ARHGAP17: variants seen among roughly 807,000 people sequenced by gnomAD.
The protein encoded by ARHGAP17 is Rho GTPase activating protein 17, also known as rho GTPase-activating protein 17.
In ARHGAP17, 57 loss-of-function variants were observed where a neutral mutation model predicts 99.5. That is an observed-to-expected ratio of 0.57 (90% CI 0.46 to 0.71). The LOEUF is 0.71. ARHGAP17 is among the 30% of genes least tolerant of loss of function. ARHGAP17 has a pLI of 0.00. For missense variants in ARHGAP17, 1,000 were observed against 1,122.4 expected (o/e 0.89, Z 1.56); for synonymous variants, 417 against 429.6 (o/e 0.97, Z 0.36).
Position 24,983,677 on chromosome 16 carries a change from CTTT to C in ARHGAP17, c.54-4675_54-4673del, listed in dbSNP as rs1335638521. ...GTTTTTTCTGCTTTGTCAGAGCCTT[CTTT>C]GTGTCCAACGTTCTGGGCTTGAAAA... is the stretch of plus-strand genomic sequence containing the variant. On this transcript the variant is annotated intron_variant, in intron 1 of 19. Coordinates refer to ENST00000289968, the MANE Select transcript of ARHGAP17 (RefSeq NM_001006634.3). Among the ~76,000 whole-genome samples the C allele has an allele frequency of 5.3e-5, 8 of 152,252 alleles. No individual in the cohort carries two copies. In the South Asian group the frequency reaches 1.7e-3, roughly 32 times the overall value.
chr16:24,946,715 A>G (rs1028577769), intron 14 of ARHGAP17, among the ~76,000 whole-genome samples: 1 of 152,154 alleles, frequency 6.6e-6, no homozygotes, highest in Admixed American at 6.6e-5. Flanking sequence ...AGGGACGGGG[A>G]GGCAAGGCTG....
intron 14 of ARHGAP17, among the ~76,000 whole-genome samples, chr16:24,944,995 G>A (rs1018783185): frequency 2.6e-5 from 4 of 151,862 alleles, no homozygotes; most frequent in African/African-American, 7.3e-5. Flanking sequence ...GTCTCAAGAT[G>A]AGTGTTCAGA....
intron 19 of ARHGAP17, among the ~76,000 whole-genome samples, chr16:24,924,177 C>T (rs564211041): frequency 4.6e-5 from 7 of 152,162 alleles, no homozygotes; most frequent in Non-Finnish European, 8.8e-5. Flanking sequence ...CACCAGTGAA[C>T]GGTTTGAGTC....
At chr16:25,009,061 A>C (rs897824498) in intron 1 of ARHGAP17, among the ~76,000 whole-genome samples, 4 of 152,176 alleles carry the variant, frequency 2.6e-5, no homozygotes, top group African/African-American at 9.7e-5. Context: ...TACTGTTCAG[A>C]GTTCCCCTAG....
chr16:24,984,904 T>A (rs1796096345), intron 1 of ARHGAP17, among the ~76,000 whole-genome samples: 1 of 151,602 alleles, frequency 6.6e-6, no homozygotes, highest in African/African-American at 2.4e-5. Context: ...AAAAAAAAAA[T>A]GTCTGTAGGG....
chr16:24,944,151 G>C (rs1175886557), intron 14 of ARHGAP17, among the ~76,000 whole-genome samples: 1 of 151,520 alleles, frequency 6.6e-6, no homozygotes, highest in African/African-American at 2.4e-5. Flanking sequence ...CGTTCGCATA[G>C]TCCCAGCTAC....
intron 1 of ARHGAP17, among the ~76,000 whole-genome samples, chr16:25,011,758 A>G (rs1331415197): frequency 6.6e-6 from 1 of 151,968 alleles, no homozygotes; most frequent in Non-Finnish European, 1.5e-5. Flanking sequence ...CACACTACTT[A>G]TTAGAGGCTC....
Position 24,964,246 on chromosome 16 carries a change from G to A in ARHGAP17, c.524C>T (p.Thr175Ile). 6.2e-7 allele frequency: 1 copy of A among 1,613,842 alleles called. No individual in the cohort carries two copies. Among genetic ancestry groups the A allele is most frequent in the East Asian group, 2.2e-5 (1 of 44,864 alleles). Residue 175 changes from threonine to isoleucine, a missense_variant, in exon 7 of 20, where the codon ACT becomes ATT. Thr to Ile is a moderately conservative substitution (Grantham distance 89). Around this residue, in one of 2 missense-constraint regions of ARHGAP17, gnomAD observed 472 missense variants for 611.1 expected, o/e 0.77. Coordinates refer to ENST00000289968, the MANE Select transcript of ARHGAP17 (RefSeq NM_001006634.3). ...NFQGLPSKID[T>I]LKEEMDEAGN... ...AGCTTCATCCATCTCTTCCTTTAGA[G>A]TATCTATTTTTGATGGAAGCCCCTG...
At chr16:24,983,652 G>GT (rs2052769706) in intron 1 of ARHGAP17, among the ~76,000 whole-genome samples, 1 of 152,074 alleles carries the variant, frequency 6.6e-6, no homozygotes, top group Non-Finnish European at 1.5e-5. Flanking sequence ...TTGTATATGG[G>GT]TTTTTTCTGC....
intron 1 of ARHGAP17, among the ~76,000 whole-genome samples, chr16:24,982,998 T>A (rs953939604): frequency 0.066 from 1,744 of 26,600 alleles, 38 homozygotes; most frequent in African/African-American, 0.1. Flanking sequence ...ATATATATAT[T>A]TTTTTTTTTT....
chr16:24,944,983 T>C (rs2051425637), intron 14 of ARHGAP17, among the ~76,000 whole-genome samples: 1 of 152,020 alleles, frequency 6.6e-6, no homozygotes, highest in African/African-American at 2.4e-5. Flanking sequence ...ATATGTGGAC[T>C]AGTCTCAAGA....
rs1361656021 is a variant in ARHGAP17, at chr16:24,953,033, G to A, written c.862C>T (p.Arg288Ter). The change falls in exon 11 of 20, where the codon CGA (arginine) becomes TGA (stop). Residue 288 changes from arginine (R) to a stop codon, truncating the protein, a stop_gained. Transcript: ENST00000289968. LOFTEE classifies it high-confidence loss of function. ...ETGMKEEGLF[R>*]IGAGASKLKK... ...AACTTGGAGGCCCCAGCCCCAATTCGGAAAAGGCCCTAAAGATAATGAAAA... is the reference window on the plus strand; with the variant it reads ...AACTTGGAGGCCCCAGCCCCAATTCAGAAAAGGCCCTAAAGATAATGAAAA... 1.9e-6 allele frequency: 3 copies of A among 1,614,008 alleles called. No individual in the cohort carries two copies. Among genetic ancestry groups the A allele is most frequent in the Non-Finnish European group, 2.5e-6 (3 of 1,180,018 alleles).
chr16:24,959,104 T>C (rs936639975), intron 9 of ARHGAP17, among the ~76,000 whole-genome samples: 1 of 152,078 alleles, frequency 6.6e-6, no homozygotes, highest in African/African-American at 2.4e-5. Context: ...ATCTGCAGTG[T>C]GCTTGAATAT....
chr16:24,961,144 G>A (rs376032014), intron 7 of ARHGAP17, among the ~76,000 whole-genome samples: 14 of 152,062 alleles, frequency 9.2e-5, no homozygotes, highest in South Asian at 4.2e-4. Flanking sequence ...GATTACAGGC[G>A]TGAGCCACCA....
chr16:24,950,561 G>A (rs1022156594), intron 12 of ARHGAP17, among the ~76,000 whole-genome samples: 1 of 152,144 alleles, frequency 6.6e-6, no homozygotes, highest in African/African-American at 2.4e-5. Context: ...GCGGCTGAGC[G>A]CGGTGGTTTA....
At chr16:24,932,994 C>T (rs1425733258) in intron 18 of ARHGAP17, among the ~76,000 whole-genome samples, 1 of 152,166 alleles carries the variant, frequency 6.6e-6, no homozygotes, top group Non-Finnish European at 1.5e-5. Context: ...ATTCAAGTTT[C>T]ATAAGCTCAT....
rs1170899170 is a variant in ARHGAP17 at position 24,929,729 on chromosome 16, CAGAAAA to C, written c.2515+1049_2515+1054del. On this transcript the variant is annotated intron_variant, in intron 19 of 19. Transcript: ENST00000289968. ...TTCAAAATAAAAGCTCTGATGGCAT[CAGAAAA>C]AAAGTTATTAACCATTTATAACATG... 7.8e-6 allele frequency: 7 copies of C among 902,098 alleles called. No homozygotes were observed. In the East Asian group the frequency reaches 8.3e-4, roughly 107 times the overall value. The allele number at this position is 902,098 out of a possible 1,614,324, so 55.9% of individuals were successfully genotyped here.
At chr16:24,997,604 G>A (rs2053233136) in intron 1 of ARHGAP17, among the ~76,000 whole-genome samples, 1 of 152,176 alleles carries the variant, frequency 6.6e-6, no homozygotes, top group East Asian at 1.9e-4. Context: ...GTGAGATGGA[G>A]GACAGCCCAC....
At position 24,930,667 on chromosome 16, in the gene ARHGAP17, T is replaced by A. The variant is rs78734762; in HGVS notation, c.2515+117A>T. 2.6e-3 allele frequency: 4,087 copies of A among 1,576,652 alleles called. 98 individuals carry two copies. In the African/African-American group the frequency reaches 0.049, roughly 19 times the overall value. Reference sequence around the variant, plus strand: ...AAACTGGCTGCAGGACAGGTTTGGTTTGGCTTGCGGGTGTAGTTTGCTGAC... The same window carrying A: ...AAACTGGCTGCAGGACAGGTTTGGTATGGCTTGCGGGTGTAGTTTGCTGAC... On this transcript the variant is annotated intron_variant, in intron 19 of 19. Transcript: ENST00000289968.
Sources: allele counts gnomAD v4.1 joint callset (sites outside exome capture counted in the v4.1 genomes callset), GRCh38; gene constraint gnomAD v4.1.1; regional missense constraint gnomAD v4.1.1; transcripts MANE v1.5; gene names NCBI Gene and HGNC (gene_info 2026-07-23, HGNC 2026-07-21).